The following MYC variants were observed in gnomAD, a reference collection of about 807,000 sequenced individuals.
MYC encodes the protein myc proto-oncogene protein.
In MYC, 1 loss-of-function variant was observed where a neutral mutation model predicts 30.5. That is an observed-to-expected ratio of 0.03 (90% CI 0.01 to 0.16). MYC has a LOEUF of 0.16. MYC is among the 10% of genes least tolerant of loss of function. The pLI is 1.00. For missense variants in MYC, 508 were observed against 589.0 expected (o/e 0.86, Z 1.42); for synonymous variants, 267 against 250.7 (o/e 1.07, Z -0.62).
At position 127,738,982 on chromosome 8, in the gene MYC, C is replaced by G; in HGVS notation, c.765C>G (p.Leu255=). 2 of 1,541,334 alleles carry G rather than the reference C, an allele frequency of 1.3e-6. No homozygotes were observed. Among genetic ancestry groups the G allele is most frequent in the Non-Finnish European group, 1.7e-6 (2 of 1,151,382 alleles). Residue 255 remains leucine (L), a synonymous_variant, in exon 2 of 3, where the codon CTC becomes CTG. Coordinates refer to ENST00000621592, the MANE Select transcript of MYC (RefSeq NM_002467.6). The surrounding 1 kb of genome is among the most constrained non-coding windows in gnomAD (Gnocchi z 7.6). ...AGGGCAGCCCCGAGCCCCTGGTGCTCCATGAGGAGACACCGCCCACCACCA... is the reference window on the plus strand; with the variant it reads ...AGGGCAGCCCCGAGCCCCTGGTGCTGCATGAGGAGACACCGCCCACCACCA...
At chr8:127,736,795 G>C (rs529123559) in intron 1 of MYC, among the ~76,000 whole-genome samples, 172 bp downstream of exon 1, 10 of 152,144 alleles carry the variant, frequency 6.6e-5, no homozygotes, top group Non-Finnish European at 2.9e-5. Context: ...GAACTGGATC[G>C]GGGTAAAGTG....
chr8:127,740,246 C>G (rs1369107539), intron 2 of MYC, 150 bp from the exon 3 acceptor site: 21 of 840,044 alleles, frequency 2.5e-5, no homozygotes, highest in Non-Finnish European at 3.3e-5. Flanking sequence ...AGCCAGGGCA[C>G]CAGGCTTAGA....
Position 127,738,973 on chromosome 8 carries a change from C to G in MYC, c.756C>G (p.Pro252=), listed in dbSNP as rs762543262. ...CCTCCCCGCAGGGCAGCCCCGAGCC[C>G]CTGGTGCTCCATGAGGAGACACCGC... Residue 252 remains proline (P), a synonymous_variant, in exon 2 of 3, where the codon CCC becomes CCG. Transcript: ENST00000621592. This position sits in a 1 kb window ranked among gnomAD's most constrained non-coding sequence, Gnocchi z 7.6. 2 of 1,561,540 alleles carry G rather than the reference C, an allele frequency of 1.3e-6. No homozygotes were observed. The highest frequency in any genetic ancestry group is 1.7e-6 in the Non-Finnish European group (2 of 1,161,954).
Position 127,740,848 on chromosome 8 carries a change from C to G in MYC, c.1255C>G (p.Leu419Val). 6.2e-7 allele frequency: 1 copy of G among 1,614,040 alleles called. No homozygotes were observed. Among genetic ancestry groups the G allele is most frequent in the Non-Finnish European group, 8.5e-7 (1 of 1,180,024 alleles). ...CCTTAAAAAAGCCACAGCATACATC[C>G]TGTCCGTCCAAGCAGAGGAGCAAAA... Residue 419 changes from leucine to valine, a missense_variant, in exon 3 of 3, where the codon CTG becomes GTG. By Grantham distance (32) the Leu-to-Val change is conservative. Coordinates refer to ENST00000621592, the MANE Select transcript of MYC (RefSeq NM_002467.6).
Position 127,740,998 on chromosome 8 carries a change from C to G in MYC, c.*40C>G, listed in dbSNP as rs181048497. On this transcript the variant is annotated 3_prime_UTR_variant, in exon 3 of 3. Coordinates refer to ENST00000621592, the MANE Select transcript of MYC (RefSeq NM_002467.6). ...AACGATTCCTTCTAACAGAAATGTC[C>G]TGAGCAATCACCTATGAACTTGTTT... The G allele has an allele frequency of 2.5e-4, 383 of 1,505,822 alleles. 2 individuals carry two copies. The East Asian group carries it at 8.1e-3, about 32-fold the overall frequency. 93.3% of individuals were successfully genotyped at this position (1,505,822 alleles called of 1,614,324 possible).
intron 1 of MYC, among the ~76,000 whole-genome samples, chr8:127,737,085 G>A (rs1449898000): frequency 1.3e-5 from 2 of 152,268 alleles, no homozygotes; most frequent in Non-Finnish European, 2.9e-5. Flanking sequence ...CCGTCTCCGG[G>A]AGGGCATTTA....
intron 1 of MYC, among the ~76,000 whole-genome samples, chr8:127,737,831 G>A (rs929279195): frequency 6.6e-6 from 1 of 152,190 alleles, no homozygotes; most frequent in Admixed American, 6.5e-5. Flanking sequence ...TAGCGCCCAG[G>A]CGCCTCTCGC....
rs1813730469 is a variant in MYC at position 127,742,577 on chromosome 8, G to T, written c.*1619G>T. ...ATCTTGACTCCTACCTTAGCCATTT[G>T]TTGAATCAGACTCATGACGGCTCCT... On this transcript the variant is annotated 3_prime_UTR_variant, in exon 3 of 3. Transcript: ENST00000621592. Among the ~76,000 whole-genome samples the T allele has an allele frequency of 6.6e-6, 1 of 152,126 alleles. No homozygotes were observed. The highest frequency in any genetic ancestry group is 1.5e-5 in the Non-Finnish European group (1 of 68,028).
In MYC at chr8:127,740,689, G is replaced by A. The variant is rs756666851; in HGVS notation, c.1096G>A (p.Glu366Lys). Residue 366 changes from glutamate (E) to lysine (K), a missense_variant, in exon 3 of 3, where the codon GAG becomes AAG. Glu to Lys is a moderately conservative substitution (Grantham distance 56, BLOSUM62 1). This residue lies in a region of MYC where 364 missense variants were observed against 381.1 expected (regional missense o/e 0.96). Coordinates refer to ENST00000621592, the MANE Select transcript of MYC (RefSeq NM_002467.6). ...CACCAGCCCCAGGTCCTCGGACACCGAGGAGAATGTCAAGAGGCGAACACA... is the reference window on the plus strand; with the variant it reads ...CACCAGCCCCAGGTCCTCGGACACCAAGGAGAATGTCAAGAGGCGAACACA... 9.9e-6 allele frequency: 16 copies of A among 1,614,004 alleles called. No homozygotes were observed. Among genetic ancestry groups the A allele is most frequent in the South Asian group, 5.5e-5 (5 of 91,076 alleles).
upstream of MYC, chr8:127,735,492 T>A (rs560576306): frequency 8.3e-5 from 33 of 399,438 alleles, no homozygotes; most frequent in South Asian, 2.3e-3. Flanking sequence ...TGGGTTATTT[T>A]AATCATTCTA....
At chr8:127,735,926 C>A, upstream of MYC, 1 of 399,246 alleles carries the variant, frequency 2.5e-6, no homozygotes, top group Non-Finnish European at 4.4e-6. Flanking sequence ...GTCTCCTCCC[C>A]ACCTTCCCCA....
At position 127,740,678 on chromosome 8, in the gene MYC, C is replaced by G. The variant is rs200431478; in HGVS notation, c.1085C>G (p.Ser362Cys). 15 of 1,614,078 alleles carry G rather than the reference C, an allele frequency of 9.3e-6. No homozygotes were observed. The highest frequency in any genetic ancestry group is 1.3e-5 in the Non-Finnish European group (15 of 1,180,024). ...AACCGAAAATGCACCAGCCCCAGGT[C>G]CTCGGACACCGAGGAGAATGTCAAG... Residue 362 changes from serine (S) to cysteine (C), a missense_variant, in exon 3 of 3, where the codon TCC becomes TGC. Transcript: ENST00000621592.
chr8:127,737,988 G>A (rs543426727), intron 1 of MYC, among the ~76,000 whole-genome samples: 5 of 152,258 alleles, frequency 3.3e-5, no homozygotes, highest in African/African-American at 7.2e-5. Context: ...TTTGCGCTCC[G>A]GGCTCCCGGG....
intron 2 of MYC, 90 bp downstream of exon 2, chr8:127,739,109 T>G: frequency 6.8e-6 from 9 of 1,319,118 alleles, no homozygotes; most frequent in Non-Finnish European, 9.0e-6. Context: ...GCCACTCTTA[T>G]TAGGAAGGAG....
At chr8:127,740,020 G>A (rs1813681358) in intron 2 of MYC, among the ~76,000 whole-genome samples, 1 of 150,942 alleles carries the variant, frequency 6.6e-6, no homozygotes, top group Admixed American at 6.6e-5. Context: ...CACTAGGCTG[G>A]AGTGCAGTGG....
Position 127,741,270 on chromosome 8 carries a change from A to G in MYC, c.*312A>G, listed in dbSNP as rs1321949168. On this transcript the variant is annotated 3_prime_UTR_variant, in exon 3 of 3. Coordinates refer to ENST00000621592, the MANE Select transcript of MYC (RefSeq NM_002467.6). ...ATAACTTTAATAAAACGTTTATAGCAGTTACACAGAATTTCAATCCTAGTA... is the reference window on the plus strand; with the variant it reads ...ATAACTTTAATAAAACGTTTATAGCGGTTACACAGAATTTCAATCCTAGTA... 7.2e-6 allele frequency: 2 copies of G among 279,110 alleles called. No individual in the cohort carries two copies. The highest frequency in any genetic ancestry group is 2.2e-5 in the African/African-American group (1 of 46,492). 17.3% of individuals were successfully genotyped at this position (279,110 alleles called of 1,614,324 possible).
rs1813637891 is a variant in MYC at position 127,738,168 on chromosome 8, G to T, written c.31-80G>T. 7 of 1,471,758 alleles carry T rather than the reference G, an allele frequency of 4.8e-6. No homozygotes were observed. Among genetic ancestry groups the T allele is most frequent in the African/African-American group, 1.4e-5 (1 of 71,132 alleles). 91.2% of individuals were successfully genotyped at this position (1,471,758 alleles called of 1,614,324 possible). ...GGGGAGAGGTTCGGGACTGTGGCGCGCACTGCGCGCTGCGCCAGGTTTCCG... is the reference window on the plus strand; with the variant it reads ...GGGGAGAGGTTCGGGACTGTGGCGCTCACTGCGCGCTGCGCCAGGTTTCCG... On this transcript the variant is annotated intron_variant, in intron 1 of 2. Coordinates refer to ENST00000621592, the MANE Select transcript of MYC (RefSeq NM_002467.6). The surrounding 1 kb of genome is among the most constrained non-coding windows in gnomAD (Gnocchi z 7.6).
Position 127,740,963 on chromosome 8 carries a change from A to G in MYC, c.*5A>G, listed in dbSNP as rs779751378. On this transcript the variant is annotated 3_prime_UTR_variant, in exon 3 of 3. Coordinates refer to ENST00000621592, the MANE Select transcript of MYC (RefSeq NM_002467.6). ...CTACGGAACTCTTGTGCGTAAGGAA[A>G]AGTAAGGAAAACGATTCCTTCTAAC... 2 of 1,540,452 alleles carry G rather than the reference A, an allele frequency of 1.3e-6. No individual in the cohort carries two copies. The highest frequency in any genetic ancestry group is 2.6e-5 in the South Asian group (2 of 78,150).
At chr8:127,740,091 T>C (rs1813682604) in intron 2 of MYC, among the ~76,000 whole-genome samples, 1 of 151,886 alleles carries the variant, frequency 6.6e-6, no homozygotes, top group South Asian at 2.1e-4. Context: ...CCCAAGTAGC[T>C]GGGACTACAG....
Sources: allele counts gnomAD v4.1 joint callset (sites outside exome capture counted in the v4.1 genomes callset), GRCh38; gene constraint gnomAD v4.1.1; regional missense constraint gnomAD v4.1.1; non-coding constraint Gnocchi (gnomAD v3.1); transcripts MANE v1.5; gene names NCBI Gene and HGNC (gene_info 2026-07-23, HGNC 2026-07-21).